Variants in EIF3B observed in about 807,000 individuals in gnomAD.
EIF3B encodes the protein eukaryotic translation initiation factor 3 subunit 9.
In EIF3B, 10 loss-of-function variants were observed where a neutral mutation model predicts 104.6. The observed-to-expected ratio is 0.10, with a 90% CI of 0.06 to 0.16. The LOEUF (loss-of-function observed/expected upper bound fraction) is 0.16. EIF3B is among the 10% of genes least tolerant of loss of function. The pLI is 1.00. For missense variants in EIF3B, 1,014 were observed against 1,087.9 expected (o/e 0.93, Z 0.96); for synonymous variants, 542 against 417.2 (o/e 1.30, Z -3.65).
At chr7:2,366,290 G>C in intron 6 of EIF3B, 27 bp from the exon 7 acceptor site, 1 of 1,571,006 alleles carries the variant, frequency 6.4e-7, no homozygotes, top group Non-Finnish European at 8.6e-7. Flanking sequence ...GAGGAGGATA[G>C]TGTACAGTGT....
intron 15 of EIF3B, 142 bp downstream of exon 15, chr7:2,377,217 G>C: frequency 8.7e-7 from 1 of 1,154,000 alleles, no homozygotes; most frequent in Non-Finnish European, 1.2e-6. Context: ...AAGAGACGCA[G>C]GAACAGTGAG....
At position 2,374,831 on chromosome 7, in the gene EIF3B, C is replaced by T. The variant is rs1171209385; in HGVS notation, c.1889+225C>T. The T allele has an allele frequency of 1.4e-5, 6 of 441,588 alleles. No individual in the cohort carries two copies. The East Asian group carries it at 1.7e-4, about 12-fold the overall frequency. The allele number at this position is 441,588 out of a possible 1,614,324, so 27.4% of individuals were successfully genotyped here. A position where few individuals can be genotyped will look rare whatever the true frequency, so the allele number is the denominator to read the frequency against. On this transcript the variant is annotated intron_variant, in intron 13 of 18. Coordinates refer to ENST00000360876, the MANE Select transcript of EIF3B (RefSeq NM_001037283.2). ...TGAAATAAGCGCTCCCAGATGCTTT[C>T]GTGAAGTGACCAGGCAGACCTGTCT...
rs752428772 is a variant in EIF3B, at chr7:2,354,920, C to G, written c.-2C>G. 1 of 1,228,308 alleles carries G rather than the reference C, an allele frequency of 8.1e-7. No homozygotes were observed. The highest frequency in any genetic ancestry group is 3.7e-5 in the Admixed American group (1 of 26,972). 76.1% of individuals were successfully genotyped at this position (1,228,308 alleles called of 1,614,324 possible). A position where few individuals can be genotyped will look rare whatever the true frequency, so the allele number is the denominator to read the frequency against. ...GCCCTGCGAGTAGGCAGCGTTGGGC[C>G]CATGCAGGACGCGGAGAACGTGGCG... On this transcript the variant is annotated 5_prime_UTR_variant, in exon 1 of 19. Coordinates refer to ENST00000360876, the MANE Select transcript of EIF3B (RefSeq NM_001037283.2).
At chr7:2,377,433 AT>A (rs1216801911) in intron 15 of EIF3B, among the ~76,000 whole-genome samples, 1 of 152,206 alleles carries the variant, frequency 6.6e-6, no homozygotes, top group Non-Finnish European at 1.5e-5. Flanking sequence ...GGAGGGTTAA[AT>A]CCCAGGGAGA....
At position 2,371,584 on chromosome 7, in the gene EIF3B, C is replaced by T. The variant is rs934049910; in HGVS notation, c.1615-193C>T. ...TGCATGTCCAGTGGCTTCCAGTAGA[C>T]GTGGTGCCGGCAGTTCTCCAGCCTT... On this transcript the variant is annotated intron_variant, in intron 10 of 18. Transcript: ENST00000360876. 3.3e-5 allele frequency among the ~76,000 whole-genome samples: 5 copies of T among 152,274 alleles called. No homozygotes were observed. In the East Asian group the frequency reaches 5.8e-4, roughly 18 times the overall value.
At position 2,355,177 on chromosome 7, in the gene EIF3B, C is replaced by G. The variant is rs1458258075; in HGVS notation, c.256C>G (p.Pro86Ala). 2.3e-5 allele frequency: 33 copies of G among 1,464,832 alleles called. No individual in the cohort carries two copies. The highest frequency in any genetic ancestry group is 2.9e-5 in the Non-Finnish European group (32 of 1,117,702). 90.7% of individuals were successfully genotyped at this position (1,464,832 alleles called of 1,614,324 possible). Residue 86 changes from proline (P) to alanine (A), a missense_variant, in exon 1 of 19, where the codon CCG (proline) becomes GCG (alanine). Coordinates refer to ENST00000360876, the MANE Select transcript of EIF3B (RefSeq NM_001037283.2). ...AASGPSESPS[P>A]PAAEELPGSH... Reference sequence around the variant, plus strand: ...CTCCGGCCCGTCCGAGTCGCCCTCGCCGCCGGCCGCCGAGGAGCTGCCCGG... The same window carrying G: ...CTCCGGCCCGTCCGAGTCGCCCTCGGCGCCGGCCGCCGAGGAGCTGCCCGG...
At chr7:2,371,237 C>T (rs1780324538) in intron 10 of EIF3B, among the ~76,000 whole-genome samples, 2 of 152,254 alleles carry the variant, frequency 1.3e-5, no homozygotes, top group Non-Finnish European at 1.5e-5. Context: ...TCACGGAGCA[C>T]AGCGTTCCCA....
At chr7:2,373,331 G>A (rs1357089807) in intron 12 of EIF3B, 1 of 152,896 alleles carries the variant, frequency 6.5e-6, no homozygotes, top group Non-Finnish European at 1.5e-5. Flanking sequence ...TCATCCTGGG[G>A]TCTCTGCTCA....
intron 11 of EIF3B, 122 bp from the exon 12 acceptor site, chr7:2,372,551 T>C: frequency 7.8e-7 from 1 of 1,289,154 alleles, no homozygotes; most frequent in East Asian, 2.4e-5. Flanking sequence ...TCCCGTCCTT[T>C]TAATGAACTT....
rs768981231 is a variant in EIF3B at position 2,377,085 on chromosome 7, C to T, written c.2154+10C>T. 1 of 1,599,852 alleles carries T rather than the reference C, an allele frequency of 6.3e-7. No individual in the cohort carries two copies. Among genetic ancestry groups the T allele is most frequent in the Non-Finnish European group, 8.5e-7 (1 of 1,170,048 alleles). ...CCAGGAACAGATCAAGGTCAGCATGCCCCCACCCCCGGGTGCAGGGCACAT... is the reference window on the plus strand; with the variant it reads ...CCAGGAACAGATCAAGGTCAGCATGTCCCCACCCCCGGGTGCAGGGCACAT... On this transcript the variant is annotated intron_variant, in intron 15 of 18. Coordinates refer to ENST00000360876, the MANE Select transcript of EIF3B (RefSeq NM_001037283.2).
At chr7:2,371,225 C>T (rs1780323949) in intron 10 of EIF3B, among the ~76,000 whole-genome samples, 1 of 152,238 alleles carries the variant, frequency 6.6e-6, no homozygotes, top group Non-Finnish European at 1.5e-5. Flanking sequence ...GTTTGACCTC[C>T]TTCACGGAGC....
At chr7:2,356,107 C>A (rs1233037372) in intron 1 of EIF3B, among the ~76,000 whole-genome samples, 1 of 152,140 alleles carries the variant, frequency 6.6e-6, no homozygotes, top group African/African-American at 2.4e-5. Context: ...CCTGAAGCTA[C>A]TTCTGATGAG....
At chr7:2,364,624 T>A (rs1297445813) in intron 6 of EIF3B, 95 bp downstream of exon 6, 5 of 1,235,442 alleles carry the variant, frequency 4.0e-6, no homozygotes, top group Non-Finnish European at 5.7e-6. Flanking sequence ...TCAAACTTAG[T>A]AGAAAAATAC....
chr7:2,355,441 G>C, intron 1 of EIF3B, 21 bp downstream of exon 1: 1 of 1,424,570 alleles, frequency 7.0e-7, no homozygotes, highest in Non-Finnish European at 9.2e-7. Context: ...CCGGGGCGGG[G>C]CTGGCGAGCG....
In EIF3B at chr7:2,378,673, G is replaced by A. The variant is rs1336168582; in HGVS notation, c.2155-16G>A. On this transcript the variant is annotated splice_polypyrimidine_tract_variant and intron_variant, in intron 15 of 18. Transcript: ENST00000360876. ...CTTTGAATGTTAAATCCTGAGTGAT[G>A]GGTCTTTTGTTTCAGCAAATTAAAA... The A allele has an allele frequency of 6.2e-7, 1 of 1,608,648 alleles. No individual in the cohort carries two copies. The highest frequency in any genetic ancestry group is 1.1e-5 in the South Asian group (1 of 90,942).
rs748701494 is a variant in EIF3B, at chr7:2,362,660, G to A, written c.708G>A (p.Glu236=). ...TCTCACTCAGGTATATTTTCCTGGA[G>A]TACGCGTCCCCTGCCCACGCTGTGG... is the stretch of plus-strand genomic sequence containing the variant. The part of the protein sequence containing the change: ...DGKTKGYIFL[E]YASPAHAVDA... Residue 236 remains glutamate (E), a synonymous_variant, in exon 3 of 19, where the codon GAG becomes GAA. Coordinates refer to ENST00000360876, the MANE Select transcript of EIF3B (RefSeq NM_001037283.2). 5.6e-6 allele frequency: 9 copies of A among 1,614,124 alleles called. No individual in the cohort carries two copies. In the South Asian group the frequency reaches 9.9e-5, roughly 18 times the overall value.
At chr7:2,378,894 C>A in intron 16 of EIF3B, 128 bp downstream of exon 16, 1 of 897,268 alleles carries the variant, frequency 1.1e-6, no homozygotes, top group South Asian at 1.6e-5. Context: ...TTCTGTTCCC[C>A]CCCAGGAGGG....
chr7:2,379,837 G>A (rs1194705013), intron 18 of EIF3B: 1 of 339,900 alleles, frequency 2.9e-6, no homozygotes, highest in Non-Finnish European at 5.6e-6. Flanking sequence ...GACGGCCGCG[G>A]TGTGTCCACT....
chr7:2,369,675 G>T lies in EIF3B; in HGVS notation c.1607G>T (p.Gly536Val). ...LCVKVDRTPK[G>V]TQGVVTNFEI... ...GTGAAAGTAGATAGGACTCCGAAAG[G>T]CACCCAGGTATGTAGATTCCCACAG... is the stretch of plus-strand genomic sequence containing the variant. Residue 536 changes from glycine (G) to valine (V), a missense_variant, in exon 10 of 19, where the codon GGC (glycine) becomes GTC (valine). Physicochemically the swap from Gly to Val is moderately radical, Grantham distance 109. Coordinates refer to ENST00000360876, the MANE Select transcript of EIF3B (RefSeq NM_001037283.2). 6.2e-7 allele frequency: 1 copy of T among 1,613,632 alleles called. No individual in the cohort carries two copies. The highest frequency in any genetic ancestry group is 8.5e-7 in the Non-Finnish European group (1 of 1,179,872).
Sources: gnomAD v4.1 joint callset for allele counts (sites outside exome capture counted in the v4.1 genomes callset) on GRCh38, gnomAD v4.1.1 for gene constraint, MANE v1.5 for transcripts, NCBI Gene and HGNC (gene_info 2026-07-23, HGNC 2026-07-21) for gene names.